CSF1R: variants seen among roughly 807,000 people sequenced by gnomAD.
The protein encoded by CSF1R is macrophage colony-stimulating factor 1 receptor.
A neutral mutation model predicts 110.0 loss-of-function variants in CSF1R; 40 were observed. That is an observed-to-expected ratio of 0.36 (90% confidence interval 0.28 to 0.47). CSF1R has a LOEUF of 0.47. Ranked by LOEUF, CSF1R falls within the 20% of genes least tolerant of loss-of-function variation. The pLI, the probability that CSF1R is intolerant of heterozygous loss-of-function variation, is 0.99. For missense variants in CSF1R, 1,052 were observed against 1,253.0 expected (o/e 0.84, Z 2.42); for synonymous variants, 523 against 503.4 (o/e 1.04, Z -0.52).
intron 13 of CSF1R, among the ~76,000 whole-genome samples, chr5:150,060,327 A>C (rs1273079587): frequency 6.7e-6 from 1 of 148,510 alleles, no homozygotes; most frequent in Non-Finnish European, 1.5e-5. Context: ...GCTCCGTCTC[A>C]AGAAAAAAAA....
At chr5:150,065,149 C>T (rs887096300) in intron 10 of CSF1R, among the ~76,000 whole-genome samples, 4 of 152,236 alleles carry the variant, frequency 2.6e-5, no homozygotes, top group Non-Finnish European at 5.9e-5. Context: ...TCTTCCCTTC[C>T]TCCCATCCTC....
Position 150,084,110 on chromosome 5 carries a change from G to T in CSF1R, c.49+2269C>A, listed in dbSNP as rs150102057. Among the ~76,000 whole-genome samples, 933 of 152,120 alleles carry T rather than the reference G, an allele frequency of 6.1e-3. 12 individuals carry two copies. The highest frequency in any genetic ancestry group is 0.021 in the African/African-American group (863 of 41,496). The stretch of plus-strand genomic sequence containing the variant: ...CCAGCACTTTGGGACGCCAAGGCAG[G>T]GGGATCGCTTGAGTTCAGGAGTTCG... On this transcript the variant is annotated intron_variant, in intron 1 of 20. Coordinates refer to ENST00000675795, the MANE Select transcript of CSF1R (RefSeq NM_001288705.3).
chr5:150,105,935 C>T (rs2113868101), intron 1 of CSF1R, among the ~76,000 whole-genome samples: 1 of 152,320 alleles, frequency 6.6e-6, no homozygotes, highest in Non-Finnish European at 1.5e-5. Flanking sequence ...ATTAATTACG[C>T]CATTTTGCCG....
chr5:150,068,257 C>T lies in CSF1R; in HGVS notation c.1584G>A (p.Leu528=). The change falls in exon 10 of 21, where the codon TTG becomes TTA. Residue 528 remains leucine, a synonymous_variant. Transcript: ENST00000675795. ...VVVACMSIMA[L]LLLLLLLLLY... ...ATAGCAGCAGGAGCAGCAGCAGCAGCAAGGCCATGATGGACATGCAGGCGA... is the reference window on the plus strand; with the variant it reads ...ATAGCAGCAGGAGCAGCAGCAGCAGTAAGGCCATGATGGACATGCAGGCGA... 2 of 1,612,740 alleles carry T rather than the reference C, an allele frequency of 1.2e-6. No individual in the cohort carries two copies. Among genetic ancestry groups the T allele is most frequent in the East Asian group, 2.2e-5 (1 of 44,870 alleles).
At chr5:150,084,201 G>A (rs1020561575) in intron 1 of CSF1R, among the ~76,000 whole-genome samples, 4 of 151,660 alleles carry the variant, frequency 2.6e-5, no homozygotes, top group Non-Finnish European at 4.4e-5. Flanking sequence ...GCTGGGTGTG[G>A]TGGCAGGCAC....
Position 150,053,367 on chromosome 5 carries a change from T to TG in CSF1R, c.*701dup, listed in dbSNP as rs994128154. 4.3e-6 allele frequency: 1 copy of TG among 233,878 alleles called. No homozygotes were observed. The highest frequency in any genetic ancestry group is 8.5e-6 in the Non-Finnish European group (1 of 118,310). 14.5% of individuals were successfully genotyped at this position (233,878 alleles called of 1,614,324 possible). A position where few individuals can be genotyped will look rare whatever the true frequency, so the allele number is the denominator to read the frequency against. On this transcript the variant is annotated 3_prime_UTR_variant, in exon 21 of 21. Coordinates refer to ENST00000675795, the MANE Select transcript of CSF1R (RefSeq NM_001288705.3). Reference sequence around the variant, plus strand: ...GACTGTTAGTTAGGATGAGTCAGCTTGGGGGAGTTTGTGCTTCCTGCTTGG... The same window carrying TG: ...GACTGTTAGTTAGGATGAGTCAGCTTGGGGGGAGTTTGTGCTTCCTGCTTGG...
intron 5 of CSF1R, among the ~76,000 whole-genome samples, chr5:150,074,616 A>G (rs563156843): frequency 6.6e-6 from 1 of 152,270 alleles, no homozygotes; most frequent in African/African-American, 2.4e-5. Context: ...ATGCCTTCTT[A>G]AAACCTCAGG....
In CSF1R at chr5:150,059,755, G is replaced by T; in HGVS notation, c.2077C>A (p.Pro693Thr). 1 of 1,614,130 alleles carries T rather than the reference G, an allele frequency of 6.2e-7. No homozygotes were observed. Among genetic ancestry groups the T allele is most frequent in the Non-Finnish European group, 8.5e-7 (1 of 1,180,032 alleles). The change falls in exon 14 of 21, where the codon CCC (proline) becomes ACC (threonine). Residue 693 changes from proline to threonine, a missense_variant. Pro to Thr is a conservative substitution (Grantham distance 38). Coordinates refer to ENST00000675795, the MANE Select transcript of CSF1R (RefSeq NM_001288705.3). Reference protein sequence around the residue: ...LGPSLSPGQDPEGGVDYKNIH... With the variant: ...LGPSLSPGQDTEGGVDYKNIH... ...TTCTTATAGTCGACGCCTCCCTCGG[G>T]GTCCTGGCCGGGGCTCAGGCTGGGT...
chr5:150,109,058 G>GCCCCCCT (rs1554106341), intron 1 of CSF1R, among the ~76,000 whole-genome samples: 1 of 119,738 alleles, frequency 8.4e-6, no homozygotes, highest in African/African-American at 3.2e-5. Flanking sequence ...GGAGAAGCCC[G>GCCCCCCT]CCCCCCCCCC....
intron 4 of CSF1R, 51 bp from the exon 5 acceptor site, chr5:150,077,486 A>G: frequency 9.6e-6 from 15 of 1,569,490 alleles, no homozygotes; most frequent in Non-Finnish European, 1.2e-5. Context: ...TAGGGATTAG[A>G]AAGATCTGGG....
At chr5:150,095,030 T>A in intron 1 of CSF1R, 2 of 754,080 alleles carry the variant, frequency 2.7e-6, no homozygotes, top group Non-Finnish European at 4.4e-6. Context: ...TCAACAGGCT[T>A]ATTAGAAGAA....
At chr5:150,104,395 A>G (rs1463933006) in intron 1 of CSF1R, among the ~76,000 whole-genome samples, 1 of 152,202 alleles carries the variant, frequency 6.6e-6, no homozygotes, top group Non-Finnish European at 1.5e-5. Flanking sequence ...GCTAATTCCT[A>G]TAGCTCCTTC....
chr5:150,057,194 A>G (rs896678672), intron 16 of CSF1R, 93 bp downstream of exon 16: 5 of 1,069,162 alleles, frequency 4.7e-6, no homozygotes, highest in Non-Finnish European at 7.0e-6. Flanking sequence ...ACCCCCTCAC[A>G]GGCTCCCGTT....
chr5:150,070,039 C>G lies in CSF1R; in HGVS notation c.1344G>C (p.Gln448His). 1 of 1,614,026 alleles carries G rather than the reference C, an allele frequency of 6.2e-7. No homozygotes were observed. The highest frequency in any genetic ancestry group is 8.5e-7 in the Non-Finnish European group (1 of 1,179,964). Reference sequence around the variant, plus strand: ...CCTCAGGGTATGGGTCATCCCAGACCTGCAGCACTTGGGCCTCATCACACC... The same window carrying G: ...CCTCAGGGTATGGGTCATCCCAGACGTGCAGCACTTGGGCCTCATCACACC... ...TDRCDEAQVL[Q>H]VWDDPYPEVL... The change falls in exon 9 of 21, where the codon CAG becomes CAC. Residue 448 changes from glutamine (Q) to histidine (H), a missense_variant. This residue lies in a region of CSF1R where 693 missense variants were observed against 735.4 expected (regional missense o/e 0.94). Transcript: ENST00000675795.
chr5:150,057,036 C>T (rs951409508), intron 16 of CSF1R, among the ~76,000 whole-genome samples: 8 of 152,094 alleles, frequency 5.3e-5, no homozygotes, highest in East Asian at 1.9e-4. Context: ...TTAGTAAAAA[C>T]GAATGAAGAA....
rs2113792552 is a variant in CSF1R at position 150,061,729 on chromosome 5, G to A, written c.1747C>T (p.Gln583Ter). Residue 583 changes from glutamine to a stop codon, truncating the protein, a stop_gained, in exon 11 of 21, where the codon CAG becomes TAG. Coordinates refer to ENST00000675795, the MANE Select transcript of CSF1R (RefSeq NM_001288705.3). LOFTEE classifies it high-confidence loss of function. ...TGATGAGCTGCCATCTCACCAAACTGCAGGTTGTTCCGGGGGAACTCCCAC... is the reference window on the plus strand; with the variant it reads ...TGATGAGCTGCCATCTCACCAAACTACAGGTTGTTCCGGGGGAACTCCCAC... Reference protein sequence around the residue: ...EKWEFPRNNLQFGKTLGAGAF... With the variant: ...EKWEFPRNNL 1 of 1,614,226 alleles carries A rather than the reference G, an allele frequency of 6.2e-7. No individual in the cohort carries two copies. The highest frequency in any genetic ancestry group is 8.5e-7 in the Non-Finnish European group (1 of 1,180,046).
Position 150,061,472 on chromosome 5 carries a change from ATCCCC to A in CSF1R, c.1858+14_1858+18del. The A allele has an allele frequency of 1.7e-6, 1 of 597,476 alleles. No individual in the cohort carries two copies. Among genetic ancestry groups the A allele is most frequent in the Non-Finnish European group, 2.3e-6 (1 of 430,170 alleles). The allele number at this position is 597,476 out of a possible 1,614,324, so 37.0% of individuals were successfully genotyped here. On this transcript the variant is annotated intron_variant, in intron 12 of 20. Transcript: ENST00000675795. The stretch of plus-strand genomic sequence containing the variant: ...TCTACCACCCCCCATCCCTTCCCTC[ATCCCC>A]TCCCCTCACTCACACTTCAGCATCT...
chr5:150,082,357 A>G (rs928380201), intron 1 of CSF1R, among the ~76,000 whole-genome samples: 1 of 152,200 alleles, frequency 6.6e-6, no homozygotes, highest in Non-Finnish European at 1.5e-5. Flanking sequence ...TTCCTCTCTC[A>G]AGTCCTTTCA....
At chr5:150,073,534 G>T (rs1384940091) in intron 5 of CSF1R, 41 bp from the exon 6 acceptor site, 1 of 1,586,510 alleles carries the variant, frequency 6.3e-7, no homozygotes, top group Non-Finnish European at 8.6e-7. Context: ...TTAGTGGGAA[G>T]ATGTCCTTGT....
Sources: allele counts gnomAD v4.1 joint callset (sites outside exome capture counted in the v4.1 genomes callset), GRCh38; gene constraint gnomAD v4.1.1; regional missense constraint gnomAD v4.1.1; transcripts MANE v1.5; gene names NCBI Gene and HGNC (gene_info 2026-07-23, HGNC 2026-07-21).